MTA1: variants seen among roughly 807,000 people sequenced by gnomAD.
The protein encoded by MTA1 is metastasis associated 1.
Under a neutral mutation model 97.0 loss-of-function variants are expected in MTA1, and 15 were observed. The ratio of observed to expected loss-of-function variants is 0.15; its 90% CI spans 0.10 to 0.24. MTA1 has a LOEUF of 0.24. MTA1 is among the 10% of genes least tolerant of loss of function. MTA1 has a pLI of 1.00. For synonymous variants in MTA1, 435 were observed against 417.5 expected, an observed-to-expected ratio of 1.04 and a Z score of -0.51; for missense variants, 709 against 1,015.1, an observed-to-expected ratio of 0.70 and a Z score of 4.10.
chr14:105,468,497 C>A, intron 18 of MTA1: 3 of 783,346 alleles, frequency 3.8e-6, no homozygotes, highest in Non-Finnish European at 5.6e-6. Flanking sequence ...GCTAAGCAAA[C>A]TGGCAGGGAA....
chr14:105,439,269 C>T (rs2082429114), intron 2 of MTA1, among the ~76,000 whole-genome samples: 1 of 152,252 alleles, frequency 6.6e-6, no homozygotes, highest in Non-Finnish European at 1.5e-5. Context: ...TGGAAGCGCC[C>T]TCCCTGGTCA....
chr14:105,449,439 C>T, intron 4 of MTA1, 30 bp downstream of exon 4: 8 of 1,606,574 alleles, frequency 5.0e-6, no homozygotes, highest in Non-Finnish European at 6.8e-6. Flanking sequence ...AGGAGGGCGT[C>T]CTCCTGTCTG....
chr14:105,466,105 C>T (rs1174346221), intron 16 of MTA1: 13 of 370,716 alleles, frequency 3.5e-5, no homozygotes, highest in Admixed American at 9.1e-5. Context: ...GTTTAATAGG[C>T]GTGCTGTGCT....
At chr14:105,449,505 C>T in intron 4 of MTA1, 96 bp downstream of exon 4, 2 of 1,364,660 alleles carry the variant, frequency 1.5e-6, no homozygotes, top group Non-Finnish European at 2.0e-6. Context: ...GGCGGGCCGC[C>T]TGCATGCCTG....
At chr14:105,440,696 C>T (rs587747902) in intron 2 of MTA1, among the ~76,000 whole-genome samples, 17 of 152,372 alleles carry the variant, frequency 1.1e-4, no homozygotes, top group Admixed American at 2.6e-4. Context: ...TGTCTCTGGG[C>T]GGGACACCAG....
chr14:105,423,989 A>G (rs1468616145), intron 1 of MTA1, among the ~76,000 whole-genome samples: 2 of 152,210 alleles, frequency 1.3e-5, no homozygotes, highest in Non-Finnish European at 2.9e-5. Flanking sequence ...CCCTGGAGAC[A>G]CGGCCGTCCT....
At chr14:105,467,279 C>T in intron 18 of MTA1, 1 of 397,718 alleles carries the variant, frequency 2.5e-6, no homozygotes, top group South Asian at 1.8e-5. Context: ...TAGGACCAAG[C>T]CTAGCATGAG....
intron 6 of MTA1, among the ~76,000 whole-genome samples, chr14:105,451,783 G>GTTTTTTTTTTTTT (rs869240296): frequency 6.4e-5 from 2 of 31,378 alleles, no homozygotes; most frequent in Non-Finnish European, 1.7e-4. Context: ...TTCTTTTTTT[G>GTTTTTTTTTTTTT]TTTTTTTTTT....
At chr14:105,423,428 G>C (rs1428208701) in intron 1 of MTA1, among the ~76,000 whole-genome samples, 2 of 152,040 alleles carry the variant, frequency 1.3e-5, no homozygotes, top group Admixed American at 6.5e-5. Context: ...TGTTGGTCAG[G>C]CTGGTCTGGA....
At chr14:105,436,135 G>A (rs1041005925) in intron 1 of MTA1, among the ~76,000 whole-genome samples, 9 of 152,162 alleles carry the variant, frequency 5.9e-5, no homozygotes, top group Admixed American at 5.9e-4. Flanking sequence ...TGGGCGTGGT[G>A]GTAGGCTCCT....
Position 105,458,284 on chromosome 14 carries a change from C to G in MTA1, c.565C>G (p.Arg189Gly). ...DLLKEGEEDGRDQSRLETQVW... is the reference protein window; with the variant it reads ...DLLKEGEEDGGDQSRLETQVW... ...CCTCCCTGTAGGCGAGGAGGATGGC[C>G]GAGACCAGTCCAGGTTGGAGACCCA... The change falls in exon 8 of 21, where the codon CGA becomes GGA. Residue 189 changes from arginine to glycine, a missense_variant. By Grantham distance (125) the Arg-to-Gly change is moderately radical (BLOSUM62 -2). Transcript: ENST00000331320. 6.2e-7 allele frequency: 1 copy of G among 1,612,546 alleles called. No individual in the cohort carries two copies. The highest frequency in any genetic ancestry group is 2.2e-5 in the East Asian group (1 of 44,856).
intron 18 of MTA1, chr14:105,467,298 G>A (rs2083634563): frequency 2.4e-6 from 1 of 414,888 alleles, no homozygotes; most frequent in Admixed American, 2.5e-5. Context: ...AGGAGGCCAG[G>A]TGTGTGGGGC....
intron 3 of MTA1, among the ~76,000 whole-genome samples, chr14:105,447,846 G>C (rs990682628): frequency 6.6e-6 from 1 of 152,162 alleles, no homozygotes; most frequent in Non-Finnish European, 1.5e-5. Context: ...GTCAATCTCC[G>C]TTTCTCCTGC....
At chr14:105,431,869 G>A (rs782384534) in intron 1 of MTA1, among the ~76,000 whole-genome samples, 6 of 151,784 alleles carry the variant, frequency 4.0e-5, no homozygotes, top group East Asian at 2.0e-4. Flanking sequence ...CAGGTGATCC[G>A]CCCACCTCAG....
Position 105,465,085 on chromosome 14 carries a change from A to G in MTA1, c.1535-9A>G. ...TGCCCCACCCCTCACACCGTGTGGT[A>G]CCCCGCAGGCACGGCGCGGCTGCCC... On this transcript the variant is annotated splice_polypyrimidine_tract_variant and intron_variant, in intron 15 of 20. Coordinates refer to ENST00000331320, the MANE Select transcript of MTA1 (RefSeq NM_004689.4). 1 of 1,506,974 alleles carries G rather than the reference A, an allele frequency of 6.6e-7. No individual in the cohort carries two copies. The highest frequency in any genetic ancestry group is 2.5e-5 in the East Asian group (1 of 39,998). The allele number at this position is 1,506,974 out of a possible 1,614,324, so 93.4% of individuals were successfully genotyped here.
At position 105,426,180 on chromosome 14, in the gene MTA1, G is replaced by A. The variant is rs939289602; in HGVS notation, c.28+6117G>A. 3.9e-5 allele frequency among the ~76,000 whole-genome samples: 6 copies of A among 152,214 alleles called. No individual in the cohort carries two copies. The South Asian group carries it at 8.3e-4, about 21-fold the overall frequency. On this transcript the variant is annotated intron_variant, in intron 1 of 20. Coordinates refer to ENST00000331320, the MANE Select transcript of MTA1 (RefSeq NM_004689.4). ...GTTGGGGGACCCCTGGGGCATGGAG[G>A]GGACCACGCGTCCCTTCCCGTCCGT... is the stretch of plus-strand genomic sequence containing the variant.
chr14:105,467,552 A>T (rs782146278), intron 18 of MTA1: 1 of 449,846 alleles, frequency 2.2e-6, no homozygotes. Context: ...GGTGGGCCTG[A>T]GATCGGGTGC....
intron 1 of MTA1, among the ~76,000 whole-genome samples, chr14:105,427,723 TTAAAG>T (rs2082054063): frequency 6.6e-6 from 1 of 151,964 alleles, no homozygotes; most frequent in African/African-American, 2.4e-5. Flanking sequence ...TTTTTTTAAC[TTAAAG>T]TAAGGTTTAG....
intron 2 of MTA1, among the ~76,000 whole-genome samples, chr14:105,439,531 C>T (rs2082438663): frequency 6.6e-6 from 1 of 152,208 alleles, no homozygotes; most frequent in Non-Finnish European, 1.5e-5. Context: ...CGCCCGCACA[C>T]CCTGGGAGCC....
Sources: gnomAD v4.1 joint callset for allele counts (sites outside exome capture counted in the v4.1 genomes callset) on GRCh38, gnomAD v4.1.1 for gene constraint, MANE v1.5 for transcripts, NCBI Gene and HGNC (gene_info 2026-07-23, HGNC 2026-07-21) for gene names.